The following LHFPL3 variants were observed in gnomAD, a reference collection of about 807,000 sequenced individuals.
The protein encoded by LHFPL3 is LHFPL tetraspan subfamily member 3, also known as LHFPL tetraspan subfamily member 3 protein.
In LHFPL3, 5 loss-of-function variants were observed where a neutral mutation model predicts 19.3. The observed-to-expected ratio is 0.26, with a 90% confidence interval of 0.14 to 0.54. The LOEUF is 0.54. Among genes scored for constraint, LHFPL3 ranks in the 20% least tolerant of loss-of-function variants. The pLI, the probability that LHFPL3 is intolerant of heterozygous loss-of-function variation, is 0.94. For missense variants in LHFPL3, 249 were observed against 307.4 expected, an observed-to-expected ratio of 0.81 and a Z score of 1.42; for synonymous variants, 133 against 126.2, an observed-to-expected ratio of 1.05 and a Z score of -0.36.
intron 1 of LHFPL3, among the ~76,000 whole-genome samples, chr7:104,373,471 T>C (rs1790650860): frequency 6.6e-6 from 1 of 152,188 alleles, no homozygotes; most frequent in African/African-American, 2.4e-5. Flanking sequence ...TGCCATCCCT[T>C]CAACTCCTCT....
At chr7:104,389,657 G>A (rs1791021544) in intron 1 of LHFPL3, among the ~76,000 whole-genome samples, 1 of 152,090 alleles carries the variant, frequency 6.6e-6, no homozygotes, top group Admixed American at 6.6e-5. Context: ...TCTGACATAA[G>A]GATAGACATA....
At chr7:104,722,122 G>A (rs1793501772) in intron 1 of LHFPL3, among the ~76,000 whole-genome samples, 1 of 151,970 alleles carries the variant, frequency 6.6e-6, no homozygotes, top group African/African-American at 2.4e-5. Context: ...TCAATATGTT[G>A]CCTTTTGTCT....
At chr7:104,642,790 G>C (rs1028706785) in intron 1 of LHFPL3, among the ~76,000 whole-genome samples, 3 of 152,216 alleles carry the variant, frequency 2.0e-5, no homozygotes, top group African/African-American at 4.8e-5. Context: ...TCAGAAGGCA[G>C]CTGGTGGAAG....
chr7:104,895,905 A>G (rs1792349043), intron 2 of LHFPL3: 1 of 152,242 alleles, frequency 6.6e-6, no homozygotes, highest in African/African-American at 2.4e-5. Flanking sequence ...GAACACAGAA[A>G]TTTACTTTCT....
intron 1 of LHFPL3, among the ~76,000 whole-genome samples, chr7:104,451,489 T>C (rs1379261817): frequency 1.3e-5 from 2 of 152,154 alleles, no homozygotes; most frequent in Admixed American, 1.3e-4. Context: ...GCAATAGCGT[T>C]TTTTGGTTCT....
At chr7:104,843,451 A>G (rs559502229) in intron 2 of LHFPL3, among the ~76,000 whole-genome samples, 5 of 152,200 alleles carry the variant, frequency 3.3e-5, no homozygotes, top group East Asian at 1.9e-4. Context: ...AGGCTCCCCA[A>G]TGGACTTTGA....
At chr7:104,397,958 C>T (rs1361706443) in intron 1 of LHFPL3, among the ~76,000 whole-genome samples, 2 of 152,110 alleles carry the variant, frequency 1.3e-5, no homozygotes, top group Admixed American at 6.5e-5. Flanking sequence ...CGCAGTTTCT[C>T]ATGATAGACA....
intron 1 of LHFPL3, among the ~76,000 whole-genome samples, chr7:104,594,066 G>C (rs1029186346): frequency 2.0e-5 from 3 of 152,180 alleles, no homozygotes; most frequent in Admixed American, 2.0e-4. Context: ...GTGTGAATTT[G>C]ATCCTGTCAT....
intron 2 of LHFPL3, among the ~76,000 whole-genome samples, chr7:104,779,675 A>G (rs1179097122): frequency 1.3e-5 from 2 of 152,208 alleles, no homozygotes; most frequent in Admixed American, 1.3e-4. Flanking sequence ...TCTGATCTCT[A>G]GTGTTTGTTT....
chr7:104,840,533 G>T (rs1379680035), intron 2 of LHFPL3, among the ~76,000 whole-genome samples: 1 of 125,658 alleles, frequency 8.0e-6, no homozygotes, highest in Non-Finnish European at 1.5e-5. Flanking sequence ...TGCCTAGGCT[G>T]GTCTTGAACT....
chr7:104,606,209 A>C (rs894424027), intron 1 of LHFPL3, among the ~76,000 whole-genome samples: 1 of 152,178 alleles, frequency 6.6e-6, no homozygotes, highest in Non-Finnish European at 1.5e-5. Context: ...GAAGATTTGC[A>C]ATATCGACCA....
chr7:104,526,242 A>C (rs1346354195), intron 1 of LHFPL3, among the ~76,000 whole-genome samples: 1 of 152,178 alleles, frequency 6.6e-6, no homozygotes, highest in African/African-American at 2.4e-5. Context: ...AACCACATGG[A>C]TTGGGGAAAA....
rs34805741 is a variant in LHFPL3, at chr7:104,671,571, C to CAAAA, written c.446-65092_446-65089dup. 2.6e-3 allele frequency among the ~76,000 whole-genome samples: 329 copies of CAAAA among 125,172 alleles called. 4 individuals are homozygous for CAAAA. Among genetic ancestry groups the CAAAA allele is most frequent in the African/African-American group, 8.7e-3 (269 of 30,962 alleles). The allele number at this position is 125,172 out of a possible 152,430, so 82.1% of individuals were successfully genotyped here. The stretch of plus-strand genomic sequence containing the variant: ...CCAAATAAATCTGATCTTTAAAGTT[C>CAAAA]AAAAAAAAAAAAAAAGAAAGAAATA... On this transcript the variant is annotated intron_variant, in intron 1 of 2. Coordinates refer to ENST00000424859, the MANE Select transcript of LHFPL3 (RefSeq NM_199000.3).
chr7:104,777,559 T>C (rs1440727159), intron 2 of LHFPL3, among the ~76,000 whole-genome samples: 1 of 152,212 alleles, frequency 6.6e-6, no homozygotes, highest in Non-Finnish European at 1.5e-5. Flanking sequence ...CAGTTTCTTA[T>C]TTCCCTTTGC....
chr7:104,689,843 G>T (rs1792876297), intron 1 of LHFPL3, among the ~76,000 whole-genome samples: 1 of 152,038 alleles, frequency 6.6e-6, no homozygotes, highest in South Asian at 2.1e-4. Context: ...GGGTCCATTT[G>T]GTCCCCGGAC....
chr7:104,880,541 C>A (rs1792028318), intron 2 of LHFPL3, among the ~76,000 whole-genome samples: 1 of 152,022 alleles, frequency 6.6e-6, no homozygotes, highest in African/African-American at 2.4e-5. Flanking sequence ...ATCTTAGGGT[C>A]CTTACAGATT....
At chr7:104,475,202 T>G (rs1232725473) in intron 1 of LHFPL3, among the ~76,000 whole-genome samples, 1 of 152,206 alleles carries the variant, frequency 6.6e-6, no homozygotes, top group Non-Finnish European at 1.5e-5. Flanking sequence ...ACTTTCTGGT[T>G]TTTATCCTCT....
At chr7:104,537,878 A>C (rs1794417859) in intron 1 of LHFPL3, among the ~76,000 whole-genome samples, 1 of 152,202 alleles carries the variant, frequency 6.6e-6, no homozygotes, top group Non-Finnish European at 1.5e-5. Flanking sequence ...TAAAGAAATG[A>C]TTACTTTCCA....
chr7:104,574,322 GCAGGGA>G (rs1339282972), intron 1 of LHFPL3, among the ~76,000 whole-genome samples: 2 of 152,170 alleles, frequency 1.3e-5, no homozygotes, highest in Non-Finnish European at 2.9e-5. Context: ...TACGAAGGGG[GCAGGGA>G]CAGGGACAAG....
Sources: allele counts gnomAD v4.1 joint callset (sites outside exome capture counted in the v4.1 genomes callset), GRCh38; gene constraint gnomAD v4.1.1; transcripts MANE v1.5; gene names NCBI Gene and HGNC (gene_info 2026-07-23, HGNC 2026-07-21).